Variants in MTERF3 observed in about 807,000 individuals in gnomAD.
MTERF3 encodes transcription termination factor 3, mitochondrial.
Under a neutral mutation model 40.5 loss-of-function variants are expected in MTERF3, and 40 were observed. The ratio of observed to expected loss-of-function variants is 0.99; its 90% CI spans 0.77 to 1.29. The LOEUF is 1.29. Among genes scored for constraint, MTERF3 ranks in the 50% most tolerant of loss-of-function variants. MTERF3 has a pLI of 0.00. For missense variants in MTERF3, 452 were observed against 478.2 expected (o/e 0.95, Z 0.51); for synonymous variants, 158 against 166.6 (o/e 0.95, Z 0.40).
At chr8:96,260,957 G>C (rs1810373370) in intron 1 of MTERF3, among the ~76,000 whole-genome samples, 1 of 152,172 alleles carries the variant, frequency 6.6e-6, no homozygotes, top group Non-Finnish European at 1.5e-5. Context: ...AGCGGGTAGG[G>C]GATGTGCAGA....
rs182144912 is a variant in MTERF3, at chr8:96,260,968, T to C, written c.-11+533A>G. Among the ~76,000 whole-genome samples the C allele has an allele frequency of 5.9e-5, 9 of 152,338 alleles. 1 individual carries two copies. Among genetic ancestry groups the C allele is most frequent in the African/African-American group, 1.9e-4 (8 of 41,588 alleles). The stretch of plus-strand genomic sequence containing the variant: ...CAAAAGCGGGTAGGGGATGTGCAGA[T>C]GTGTATAAAAGCCCTGTAAGGTGGT... On this transcript the variant is annotated intron_variant, in intron 1 of 7. Coordinates refer to ENST00000287025, the MANE Select transcript of MTERF3 (RefSeq NM_015942.5).
intron 3 of MTERF3, among the ~76,000 whole-genome samples, chr8:96,255,784 G>A (rs1376928555): frequency 3.9e-5 from 6 of 152,062 alleles, no homozygotes; most frequent in Non-Finnish European, 5.9e-5. Flanking sequence ...TTGAGGAAAC[G>A]AGATTATATC....
chr8:96,253,888 G>A (rs1480016543), intron 3 of MTERF3, among the ~76,000 whole-genome samples: 3 of 151,474 alleles, frequency 2.0e-5, no homozygotes, highest in South Asian at 4.2e-4. Context: ...TGTGCCTATA[G>A]TCCCAGCTAC....
rs769712312 is a variant in MTERF3, at chr8:96,246,336, G to GA, written c.795dup (p.Gln266SerfsTer5). ...TTCACACTAAGTTCAAGTTCTTTCT[G>GA]AAAAAATCCCAATCTGTTATCCAGT... On this transcript the variant is annotated frameshift_variant, in exon 5 of 8. Transcript: ENST00000287025. LOFTEE classifies it high-confidence loss of function. 28 of 1,606,586 alleles carry GA rather than the reference G, an allele frequency of 1.7e-5. No homozygotes were observed. Among genetic ancestry groups the GA allele is most frequent in the Admixed American group, 1.7e-4 (10 of 58,430 alleles).
intron 6 of MTERF3, among the ~76,000 whole-genome samples, chr8:96,244,689 C>T (rs892348209): frequency 6.6e-6 from 1 of 152,228 alleles, no homozygotes; most frequent in Non-Finnish European, 1.5e-5. Context: ...TGAGCCACCA[C>T]GCCTGACCAT....
At chr8:96,247,427 A>T (rs556298294) in intron 4 of MTERF3, among the ~76,000 whole-genome samples, 28 of 152,358 alleles carry the variant, frequency 1.8e-4, no homozygotes, top group Admixed American at 3.3e-4. Flanking sequence ...AAAATCTAAA[A>T]CATAGTAAAA....
At chr8:96,249,455 C>G (rs899834357) in intron 4 of MTERF3, among the ~76,000 whole-genome samples, 1 of 152,218 alleles carries the variant, frequency 6.6e-6, no homozygotes, top group African/African-American at 2.4e-5. Context: ...ATCATTCTCT[C>G]TCCCTTCTGT....
At chr8:96,249,400 C>G (rs374440824) in intron 4 of MTERF3, among the ~76,000 whole-genome samples, 2 of 152,264 alleles carry the variant, frequency 1.3e-5, no homozygotes, top group South Asian at 4.1e-4. Flanking sequence ...GTGTTCCTGA[C>G]AGCCAAGAAG....
intron 2 of MTERF3, 69 bp from the exon 3 acceptor site, chr8:96,257,183 C>T: frequency 1.4e-6 from 2 of 1,447,664 alleles, no homozygotes; most frequent in Non-Finnish European, 9.3e-7. Flanking sequence ...AAGACCAGCT[C>T]TTCCCTTGTT....
intron 3 of MTERF3, among the ~76,000 whole-genome samples, chr8:96,255,472 CTACTAAAAA>C (rs1810262414): frequency 2.0e-5 from 3 of 152,036 alleles, no homozygotes; most frequent in Admixed American, 2.0e-4. Context: ...AACCTCGTCT[CTACTAAAAA>C]TACAAAAAAT....
intron 7 of MTERF3, among the ~76,000 whole-genome samples, chr8:96,241,679 G>A (rs1340638004): frequency 2.0e-5 from 3 of 152,148 alleles, no homozygotes; most frequent in Non-Finnish European, 2.9e-5. Flanking sequence ...GGATGTGGTG[G>A]TGTGGGGGGA....
rs193121789 is a variant in MTERF3, at chr8:96,240,472, C to T, written c.1060-787G>A. On this transcript the variant is annotated intron_variant, in intron 7 of 7. Transcript: ENST00000287025. ...TCTCCCTTTTTTAAAATTTGCACTCCTCCCCTTAACTAGAATCAAAATGAA... is the reference window on the plus strand; with the variant it reads ...TCTCCCTTTTTTAAAATTTGCACTCTTCCCCTTAACTAGAATCAAAATGAA... 2.1e-3 allele frequency among the ~76,000 whole-genome samples: 327 copies of T among 152,226 alleles called. 1 individual carries two copies. Among genetic ancestry groups the T allele is most frequent in the South Asian group, 6.2e-3 (30 of 4,834 alleles).
chr8:96,261,285 C>T (rs3808385), intron 1 of MTERF3, among the ~76,000 whole-genome samples: 46,882 of 152,188 alleles, frequency 0.31, 8,154 homozygotes, highest in Non-Finnish European at 0.39. Flanking sequence ...GCAGAGCCCC[C>T]TCCTGAGGCT....
chr8:96,250,539 C>T (rs1211110861), intron 4 of MTERF3, among the ~76,000 whole-genome samples: 1 of 141,510 alleles, frequency 7.1e-6, no homozygotes, highest in Non-Finnish European at 1.6e-5. Context: ...GGCGAAACCC[C>T]ATCTCTCCTA....
At chr8:96,252,321 A>G (rs1232202442) in intron 3 of MTERF3, among the ~76,000 whole-genome samples, 1 of 152,250 alleles carries the variant, frequency 6.6e-6, no homozygotes, top group East Asian at 1.9e-4. Context: ...TAGATAGACT[A>G]TTTGTTAAAA....
At chr8:96,252,928 TCAC>T (rs1283557334) in intron 3 of MTERF3, among the ~76,000 whole-genome samples, 1 of 152,206 alleles carries the variant, frequency 6.6e-6, no homozygotes, top group Non-Finnish European at 1.5e-5. Context: ...TAACTTGGGC[TCAC>T]TTCATTTCAT....
chr8:96,250,880 T>G, intron 4 of MTERF3, 26 bp downstream of exon 4: 1 of 1,581,200 alleles, frequency 6.3e-7, no homozygotes, highest in Non-Finnish European at 8.6e-7. Flanking sequence ...TCTTAGGTTA[T>G]ATGAGAATCC....
At chr8:96,251,153 A>C in intron 3 of MTERF3, 58 bp from the exon 4 acceptor site, 46 of 1,385,404 alleles carry the variant, frequency 3.3e-5, no homozygotes, top group Middle Eastern at 2.0e-4. Flanking sequence ...CATTAAACTC[A>C]TATACATAAG....
intron 7 of MTERF3, among the ~76,000 whole-genome samples, chr8:96,243,707 A>G (rs554153080): frequency 6.6e-6 from 1 of 152,240 alleles, no homozygotes; most frequent in Non-Finnish European, 1.5e-5. Flanking sequence ...GAGAGACTAC[A>G]TTAGATTTGT....
Sources: allele counts gnomAD v4.1 joint callset (sites outside exome capture counted in the v4.1 genomes callset), GRCh38; gene constraint gnomAD v4.1.1; transcripts MANE v1.5; gene names NCBI Gene and HGNC (gene_info 2026-07-23, HGNC 2026-07-21).